The following NCBP3 variants were observed in gnomAD, a reference collection of about 807,000 sequenced individuals.
NCBP3 encodes the protein nuclear cap binding subunit 3, also known as nuclear cap-binding protein subunit 3.
Under a neutral mutation model 75.7 loss-of-function variants are expected in NCBP3, and 20 were observed. The observed-to-expected ratio is 0.26, with a 90% confidence interval of 0.19 to 0.38. The LOEUF (loss-of-function observed/expected upper bound fraction) is 0.38, where lower values mean the gene tolerates loss of function less well. NCBP3 is among the 10% of genes least tolerant of loss of function. NCBP3 has a pLI of 1.00. For missense variants in NCBP3, 678 were observed against 796.9 expected, an observed-to-expected ratio of 0.85 and a Z score of 1.80; for synonymous variants, 293 against 290.5, an observed-to-expected ratio of 1.01 and a Z score of -0.09.
At position 3,829,283 on chromosome 17, in the gene NCBP3, T is replaced by G; in HGVS notation, c.441A>C (p.Glu147Asp). The change falls in exon 4 of 13, where the codon GAA becomes GAC. Residue 147 changes from glutamate to aspartate, a missense_variant. Transcript: ENST00000389005. ...STQDVFSYFK[E>D]YPPAHIEWLD... Reference sequence around the variant, plus strand: ...ACCATTCGATGTGAGCTGGAGGATATTCTTTAAAATAGGAAAAGACATCTT... The same window carrying G: ...ACCATTCGATGTGAGCTGGAGGATAGTCTTTAAAATAGGAAAAGACATCTT... 6.4e-7 allele frequency: 1 copy of G among 1,551,732 alleles called. No homozygotes were observed. The highest frequency in any genetic ancestry group is 1.4e-5 in the African/African-American group (1 of 73,164).
In NCBP3 at chr17:3,810,830, C is replaced by T. The variant is rs904784597; in HGVS notation, c.*2214G>A. The T allele has an allele frequency of 1.6e-4, 24 of 152,168 alleles. No individual in the cohort carries two copies. The highest frequency in any genetic ancestry group is 5.3e-4 in the African/African-American group (22 of 41,422). 9.4% of individuals were successfully genotyped at this position (152,168 alleles called of 1,614,324 possible). A position where few individuals can be genotyped will look rare whatever the true frequency, so the allele number is the denominator to read the frequency against. On this transcript the variant is annotated 3_prime_UTR_variant, in exon 13 of 13. Transcript: ENST00000389005. The stretch of plus-strand genomic sequence containing the variant: ...ACACCACCTCCTTCCAGAATGGCTT[C>T]GCTGATCTGTAGCAGGAGACTGCTG...
chr17:3,827,484 A>G (rs560874164), intron 4 of NCBP3, among the ~76,000 whole-genome samples: 18 of 152,376 alleles, frequency 1.2e-4, no homozygotes, highest in African/African-American at 2.9e-4. Flanking sequence ...TTGGCTTTGT[A>G]GCAACTAATT....
intron 7 of NCBP3, among the ~76,000 whole-genome samples, chr17:3,823,139 C>T (rs1271033376): frequency 1.3e-5 from 2 of 152,122 alleles, no homozygotes; most frequent in African/African-American, 4.8e-5. Context: ...TGGTGAACCC[C>T]ATCTCTACTA....
intron 6 of NCBP3, 49 bp downstream of exon 6, chr17:3,825,718 G>A: frequency 1.5e-6 from 2 of 1,377,556 alleles, no homozygotes; most frequent in African/African-American, 1.4e-5. Context: ...AAAAGACAGT[G>A]AGCAATTTTT....
chr17:3,841,585 G>A (rs2054062569), intron 2 of NCBP3, among the ~76,000 whole-genome samples: 1 of 148,174 alleles, frequency 6.7e-6, no homozygotes, highest in Admixed American at 6.7e-5. Context: ...TTGTCTAAAA[G>A]ATGACCAATT....
chr17:3,811,962 G>A lies in NCBP3; in HGVS notation c.*1082C>T, dbSNP rs995233405. 5.3e-5 allele frequency: 8 copies of A among 152,272 alleles called. No individual in the cohort carries two copies. The highest frequency in any genetic ancestry group is 2.1e-4 in the South Asian group (1 of 4,820). The allele number at this position is 152,272 out of a possible 1,614,324, so 9.4% of individuals were successfully genotyped here. On this transcript the variant is annotated 3_prime_UTR_variant, in exon 13 of 13. Transcript: ENST00000389005. ...TGAAGATGTCTTCAGGTGCCACAAC[G>A]TGGGGACAGAAAGAATAAATATCAA...
At chr17:3,826,789 G>A (rs955841965) in intron 4 of NCBP3, among the ~76,000 whole-genome samples, 2 of 151,954 alleles carry the variant, frequency 1.3e-5, no homozygotes, top group South Asian at 2.1e-4. Flanking sequence ...CGAGCCAGGC[G>A]GATCACGAGG....
At chr17:3,841,542 A>T (rs555059829) in intron 2 of NCBP3, among the ~76,000 whole-genome samples, 2 of 151,948 alleles carry the variant, frequency 1.3e-5, no homozygotes, top group African/African-American at 4.8e-5. Flanking sequence ...TTTCAATTAC[A>T]GTAAGAAAAG....
At chr17:3,840,990 G>GT (rs1360869316) in intron 2 of NCBP3, among the ~76,000 whole-genome samples, 1 of 152,062 alleles carries the variant, frequency 6.6e-6, no homozygotes, top group Non-Finnish European at 1.5e-5. Context: ...AATTGGTTTT[G>GT]TTTGTTTTTG....
intron 4 of NCBP3, among the ~76,000 whole-genome samples, chr17:3,827,759 C>A (rs1016443232): frequency 2.3e-4 from 35 of 152,126 alleles, no homozygotes; most frequent in Non-Finnish European, 1.0e-4. Flanking sequence ...TTCTAATATA[C>A]CTTAGTCACA....
rs182030401 is a variant in NCBP3, at chr17:3,827,939, G to T, written c.481+1304C>A. Among the ~76,000 whole-genome samples the T allele has an allele frequency of 3.9e-5, 6 of 152,192 alleles. No individual in the cohort carries two copies. In the East Asian group the frequency reaches 1.2e-3, roughly 29 times the overall value. Reference sequence around the variant, plus strand: ...GTTTTTGTTTTTTCTTTCTTTTTGAGATGGAGTCTCACTCTGTTGCCCAGG... The same window carrying T: ...GTTTTTGTTTTTTCTTTCTTTTTGATATGGAGTCTCACTCTGTTGCCCAGG... On this transcript the variant is annotated intron_variant, in intron 4 of 12. Coordinates refer to ENST00000389005, the MANE Select transcript of NCBP3 (RefSeq NM_001114118.3).
At chr17:3,825,244 T>C (rs79278694) in intron 6 of NCBP3, among the ~76,000 whole-genome samples, 194 bp from the exon 7 acceptor site, 4,805 of 152,278 alleles carry the variant, frequency 0.032, 107 homozygotes, top group Non-Finnish European at 0.046. Flanking sequence ...CATCATTCTC[T>C]ATCCCCTACT....
At chr17:3,823,729 C>A (rs1168004639) in intron 7 of NCBP3, 1 of 152,084 alleles carries the variant, frequency 6.6e-6, no homozygotes, top group Non-Finnish European at 1.5e-5. Context: ...AGCCAGCCCA[C>A]CAATTTTTAA....
At position 3,805,960 on chromosome 17, in the gene NCBP3, C is replaced by T. The variant is rs569654316; in HGVS notation, c.*7084G>A. On this transcript the variant is annotated 3_prime_UTR_variant, in exon 13 of 13. Coordinates refer to ENST00000389005, the MANE Select transcript of NCBP3 (RefSeq NM_001114118.3). ...CACCATCCTATTTGACTTTCCCCAA[C>T]AGGCATTCTACCTCAGCTAAAGATG... 1 of 152,400 alleles carries T rather than the reference C, an allele frequency of 6.6e-6. No individual in the cohort carries two copies. Among genetic ancestry groups the T allele is most frequent in the African/African-American group, 2.4e-5 (1 of 41,478 alleles). 9.4% of individuals were successfully genotyped at this position (152,400 alleles called of 1,614,324 possible). A position where few individuals can be genotyped will look rare whatever the true frequency, so the allele number is the denominator to read the frequency against.
intron 8 of NCBP3, 103 bp from the exon 9 acceptor site, chr17:3,821,455 ATC>A: frequency 1.1e-6 from 1 of 883,584 alleles, no homozygotes; most frequent in South Asian, 1.5e-5. Context: ...TGGAGTCTCA[ATC>A]TCTCTCCCAG....
At chr17:3,813,451 C>A (rs1411752348) in intron 12 of NCBP3, among the ~76,000 whole-genome samples, 172 bp from the exon 13 acceptor site, 1 of 152,214 alleles carries the variant, frequency 6.6e-6, no homozygotes, top group Non-Finnish European at 1.5e-5. Flanking sequence ...CGGGCCGCAG[C>A]CCCTGCCCGC....
chr17:3,815,795 T>C (rs968506981), intron 11 of NCBP3, among the ~76,000 whole-genome samples: 18 of 152,322 alleles, frequency 1.2e-4, no homozygotes, highest in Admixed American at 2.6e-4. Flanking sequence ...GCAGATAATA[T>C]GTCACTTTAT....
At chr17:3,815,797 T>C (rs980019070) in intron 11 of NCBP3, among the ~76,000 whole-genome samples, 1 of 152,190 alleles carries the variant, frequency 6.6e-6, no homozygotes, top group Non-Finnish European at 1.5e-5. Flanking sequence ...AGATAATATG[T>C]CACTTTATAT....
In NCBP3 at chr17:3,812,844, C is replaced by A. The variant is rs1347214785; in HGVS notation, c.*200G>T. ...GAAAGGAATCGAGGGCCCAGAACTA[C>A]AACTCTGCAGCGAAAGATAGAGATG... On this transcript the variant is annotated 3_prime_UTR_variant, in exon 13 of 13. Transcript: ENST00000389005. The A allele has an allele frequency of 5.0e-6, 7 of 1,411,790 alleles. No homozygotes were observed. 87.5% of individuals were successfully genotyped at this position (1,411,790 alleles called of 1,614,324 possible).
Sources: gnomAD v4.1 joint callset for allele counts (sites outside exome capture counted in the v4.1 genomes callset) on GRCh38, gnomAD v4.1.1 for gene constraint, MANE v1.5 for transcripts, NCBI Gene and HGNC (gene_info 2026-07-23, HGNC 2026-07-21) for gene names.